The following DCAF10 variants were observed in gnomAD, a reference collection of about 807,000 sequenced individuals.
DCAF10 encodes DDB1- and CUL4-associated factor 10.
A neutral mutation model predicts 51.9 loss-of-function variants in DCAF10; 19 were observed. That is an observed-to-expected ratio of 0.37 (90% CI 0.26 to 0.54). DCAF10 has a LOEUF of 0.54. Among genes scored for constraint, DCAF10 ranks in the 20% least tolerant of loss-of-function variants. The pLI is 0.87. For synonymous variants in DCAF10, 291 were observed against 297.1 expected, an observed-to-expected ratio of 0.98 and a Z score of 0.21; for missense variants, 510 against 730.6, an observed-to-expected ratio of 0.70 and a Z score of 3.48.
chr9:37,854,747 C>T (rs1830796228), intron 3 of DCAF10, 33 bp from the exon 4 acceptor site: 5 of 1,578,742 alleles, frequency 3.2e-6, no homozygotes, highest in Non-Finnish European at 3.5e-6. Flanking sequence ...TTTATGATAA[C>T]TCTAGATTTT....
intron 2 of DCAF10, 41 bp from the exon 3 acceptor site, chr9:37,842,046 AAG>A: frequency 6.4e-7 from 1 of 1,565,996 alleles, no homozygotes; most frequent in Non-Finnish European, 8.6e-7. Context: ...TTCCTTTAAA[AAG>A]AGATTAAATG....
intron 2 of DCAF10, among the ~76,000 whole-genome samples, chr9:37,837,146 AG>A (rs1830188950): frequency 6.6e-6 from 1 of 152,186 alleles, no homozygotes; most frequent in Non-Finnish European, 1.5e-5. Context: ...AAAATTGCAT[AG>A]AAATAATGGC....
chr9:37,820,417 G>A (rs745437123), intron 2 of DCAF10, among the ~76,000 whole-genome samples: 5 of 152,278 alleles, frequency 3.3e-5, no homozygotes, highest in East Asian at 3.9e-4. Context: ...TGTTTCATGC[G>A]AGGCAGGAAC....
At chr9:37,854,024 T>TTA (rs1830772629) in intron 3 of DCAF10, among the ~76,000 whole-genome samples, 1 of 152,188 alleles carries the variant, frequency 6.6e-6, no homozygotes, top group African/African-American at 2.4e-5. Context: ...AAACAACATG[T>TTA]ATTATTTTAA....
chr9:37,850,588 T>G (rs1174746762), intron 3 of DCAF10, among the ~76,000 whole-genome samples: 1 of 151,666 alleles, frequency 6.6e-6, no homozygotes, highest in East Asian at 1.9e-4. Flanking sequence ...TAGAAGCAGA[T>G]AGTAGAATGG....
At position 37,801,605 on chromosome 9, in the gene DCAF10, G is replaced by A. The variant is rs1828949204; in HGVS notation, c.539+200G>A. Among the ~76,000 whole-genome samples the A allele has an allele frequency of 6.6e-6, 1 of 152,236 alleles. No homozygotes were observed. The highest frequency in any genetic ancestry group is 1.5e-5 in the Non-Finnish European group (1 of 68,034). Reference sequence around the variant, plus strand: ...CAGCCCAGCTTTTTGAGGCAGGCAGGCGGGGCCCCACTTGCTCGCCTTCAG... The same window carrying A: ...CAGCCCAGCTTTTTGAGGCAGGCAGACGGGGCCCCACTTGCTCGCCTTCAG... On this transcript the variant is annotated intron_variant, in intron 1 of 6. Coordinates refer to ENST00000377724, the MANE Select transcript of DCAF10 (RefSeq NM_024345.5). The surrounding 1 kb of genome is among the most constrained non-coding windows in gnomAD (Gnocchi z 5.5).
chr9:37,821,595 C>A (rs1285093863), intron 2 of DCAF10, among the ~76,000 whole-genome samples: 2 of 152,144 alleles, frequency 1.3e-5, no homozygotes, highest in African/African-American at 4.8e-5. Context: ...GAGAATGTAA[C>A]TGGATTCTCA....
intron 3 of DCAF10, among the ~76,000 whole-genome samples, chr9:37,849,758 T>C (rs1293710837): frequency 6.6e-6 from 1 of 152,052 alleles, no homozygotes; most frequent in African/African-American, 2.4e-5. Flanking sequence ...CAGGTGCCTG[T>C]AATCCCAGCT....
rs147238896 is a variant in DCAF10, at chr9:37,855,536, C to T, written c.1054+554C>T. ...AGAATTTAGGGTTCAGAAAAATGTA[C>T]GTATTGTATTTTATCAACATTATGT... On this transcript the variant is annotated intron_variant, in intron 4 of 6. Transcript: ENST00000377724. Among the ~76,000 whole-genome samples, 1,053 of 152,126 alleles carry T rather than the reference C, an allele frequency of 6.9e-3. 16 individuals carry two copies. The highest frequency in any genetic ancestry group is 0.024 in the African/African-American group (997 of 41,510).
At chr9:37,806,703 T>C (rs1373256922) in intron 1 of DCAF10, among the ~76,000 whole-genome samples, 1 of 152,244 alleles carries the variant, frequency 6.6e-6, no homozygotes. Flanking sequence ...TATGGATGAA[T>C]AACTTCTGGG....
rs549186782 is a variant in DCAF10, at chr9:37,815,796, A to C, written c.540-3492A>C. Among the ~76,000 whole-genome samples, 4 of 152,336 alleles carry C rather than the reference A, an allele frequency of 2.6e-5. No homozygotes were observed. The East Asian group carries it at 7.7e-4, about 29-fold the overall frequency. On this transcript the variant is annotated intron_variant, in intron 1 of 6. Transcript: ENST00000377724. Reference sequence around the variant, plus strand: ...CATTTCTGTATACCAGCAATAAGCAAAGCCAAAAAAATTTTTTTTGAGACA... The same window carrying C: ...CATTTCTGTATACCAGCAATAAGCACAGCCAAAAAAATTTTTTTTGAGACA...
chr9:37,801,077 C>G lies in DCAF10; in HGVS notation c.211C>G (p.Leu71Val). The G allele has an allele frequency of 6.5e-7, 1 of 1,533,350 alleles. No individual in the cohort carries two copies. The highest frequency in any genetic ancestry group is 8.7e-7 in the Non-Finnish European group (1 of 1,146,906). The allele number at this position is 1,533,350 out of a possible 1,614,324, so 95.0% of individuals were successfully genotyped here. A position where few individuals can be genotyped will look rare whatever the true frequency, so the allele number is the denominator to read the frequency against. ...SLSPAPRSGE[L>V]GLPGAPESST... ...GTCCCCGGCCCCGCGCTCCGGAGAG[C>G]TAGGGCTGCCTGGAGCTCCGGAGTC... Residue 71 changes from leucine (L) to valine (V), a missense_variant, in exon 1 of 7, where the codon CTA becomes GTA. This residue lies in a region of DCAF10 where 251 missense variants were observed against 227.9 expected (regional missense o/e 1.10). Transcript: ENST00000377724. The surrounding 1 kb of genome is among the most constrained non-coding windows in gnomAD (Gnocchi z 5.5).
chr9:37,817,279 A>G (rs76714670), intron 1 of DCAF10, among the ~76,000 whole-genome samples: 1 of 152,338 alleles, frequency 6.6e-6, no homozygotes, highest in East Asian at 1.9e-4. Flanking sequence ...AGTTTTATAG[A>G]TCCCTTTTAT....
chr9:37,822,412 T>TG (rs1271786155), intron 2 of DCAF10, among the ~76,000 whole-genome samples: 1 of 38,816 alleles, frequency 2.6e-5, no homozygotes, highest in Non-Finnish European at 4.9e-5. Flanking sequence ...GTGATATATA[T>TG]ATATATATAT....
chr9:37,827,870 A>T (rs1343935129), intron 2 of DCAF10, among the ~76,000 whole-genome samples: 1 of 152,142 alleles, frequency 6.6e-6, no homozygotes, highest in African/African-American at 2.4e-5. Flanking sequence ...CATTGGGGAC[A>T]GAAGTAGCTG....
intron 2 of DCAF10, among the ~76,000 whole-genome samples, chr9:37,834,009 G>C (rs375580902): frequency 6.6e-6 from 1 of 151,904 alleles, no homozygotes; most frequent in East Asian, 1.9e-4. Flanking sequence ...GTGCGATCTC[G>C]GCTCACTGCA....
At chr9:37,826,946 C>T (rs1041106527) in intron 2 of DCAF10, among the ~76,000 whole-genome samples, 4 of 151,960 alleles carry the variant, frequency 2.6e-5, no homozygotes, top group Admixed American at 2.6e-4. Flanking sequence ...CTGCCTCAGC[C>T]TCCCAAGTAG....
intron 2 of DCAF10, chr9:37,831,999 G>T (rs1564035814): frequency 1.3e-5 from 2 of 152,104 alleles, no homozygotes; most frequent in East Asian, 1.9e-4. Context: ...GAAGTTGCAG[G>T]GAGAAGCCCG....
At position 37,826,581 on chromosome 9, in the gene DCAF10, G is replaced by A. The variant is rs78871628; in HGVS notation, c.653+7180G>A. Among the ~76,000 whole-genome samples, 1,382 of 152,224 alleles carry A rather than the reference G, an allele frequency of 9.1e-3. 8 individuals carry two copies. The highest frequency in any genetic ancestry group is 0.014 in the Non-Finnish European group (929 of 68,020). On this transcript the variant is annotated intron_variant, in intron 2 of 6. Transcript: ENST00000377724. Reference sequence around the variant, plus strand: ...AGGTTGTTTGGTGTGGTGTATGTACGTGGGAGAGCACTGGAGCCAACTGAG... The same window carrying A: ...AGGTTGTTTGGTGTGGTGTATGTACATGGGAGAGCACTGGAGCCAACTGAG...
Sources: allele counts gnomAD v4.1 joint callset (sites outside exome capture counted in the v4.1 genomes callset), GRCh38; gene constraint gnomAD v4.1.1; regional missense constraint gnomAD v4.1.1; non-coding constraint Gnocchi (gnomAD v3.1); transcripts MANE v1.5; gene names NCBI Gene and HGNC (gene_info 2026-07-23, HGNC 2026-07-21).